Variants in CDC42BPB observed in about 807,000 individuals in gnomAD.
The protein encoded by CDC42BPB is serine/threonine-protein kinase MRCK beta.
A neutral mutation model predicts 214.9 loss-of-function variants in CDC42BPB; 37 were observed. The ratio of observed to expected loss-of-function variants is 0.17; its 90% confidence interval spans 0.13 to 0.23. The LOEUF is 0.23. Among genes scored for constraint, CDC42BPB ranks in the 10% least tolerant of loss-of-function variants. The pLI is 1.00. For synonymous variants in CDC42BPB, 931 were observed against 884.0 expected, an observed-to-expected ratio of 1.05 and a Z score of -0.94; for missense variants, 1,694 against 2,227.0, an observed-to-expected ratio of 0.76 and a Z score of 4.82.
At chr14:102,979,268 C>T (rs1161636717) in intron 8 of CDC42BPB, among the ~76,000 whole-genome samples, 1 of 151,092 alleles carries the variant, frequency 6.6e-6, no homozygotes, top group Non-Finnish European at 1.5e-5. Flanking sequence ...GGCCGGAGTG[C>T]AGTGGCGTAT....
At chr14:103,010,855 C>A (rs1170567878) in intron 2 of CDC42BPB, among the ~76,000 whole-genome samples, 2 of 152,194 alleles carry the variant, frequency 1.3e-5, no homozygotes, top group African/African-American at 2.4e-5. Context: ...CACGGTGAAA[C>A]CCCATCTCTA....
intron 30 of CDC42BPB, among the ~76,000 whole-genome samples, chr14:102,940,926 G>A (rs1405870255): frequency 6.6e-6 from 1 of 152,256 alleles, no homozygotes; most frequent in Admixed American, 6.5e-5. Context: ...CCTGCAGGGA[G>A]CTCTGGGGTC....
At chr14:102,949,992 C>T in intron 25 of CDC42BPB, 88 bp from the exon 26 acceptor site, 2 of 1,569,602 alleles carry the variant, frequency 1.3e-6, no homozygotes, top group East Asian at 2.3e-5. Flanking sequence ...CTCCTTCCAG[C>T]TGCCAGGCTG....
At chr14:102,972,485 G>A (rs1040626540) in intron 12 of CDC42BPB, among the ~76,000 whole-genome samples, 9 of 151,944 alleles carry the variant, frequency 5.9e-5, no homozygotes, top group Non-Finnish European at 1.3e-4. Context: ...TCAGGAGATC[G>A]AGACCATCCT....
chr14:102,970,050 C>T (rs925607965), intron 14 of CDC42BPB, 101 bp downstream of exon 14: 13 of 927,674 alleles, frequency 1.4e-5, no homozygotes, highest in African/African-American at 3.3e-5. Context: ...GGGTGACACT[C>T]GGCCCGGACC....
intron 5 of CDC42BPB, among the ~76,000 whole-genome samples, chr14:102,998,513 G>A (rs1011700420): frequency 1.3e-5 from 2 of 152,118 alleles, no homozygotes; most frequent in African/African-American, 4.8e-5. Context: ...TAAAAACAAC[G>A]AAAACCAAAA....
In CDC42BPB at chr14:102,939,839, T is replaced by A; in HGVS notation, c.4700A>T (p.Gln1567Leu). 1 of 1,614,078 alleles carries A rather than the reference T, an allele frequency of 6.2e-7. No homozygotes were observed. Residue 1567 changes from glutamine (Q) to leucine (L), a missense_variant, in exon 33 of 37, where the codon CAG becomes CTG. Physicochemically the swap from Gln to Leu is moderately radical, Grantham distance 113 (BLOSUM62 -2). Around this residue, in one of 7 missense-constraint regions of CDC42BPB, gnomAD observed 567 missense variants for 790.3 expected, o/e 0.72. Transcript: ENST00000361246. The part of the protein sequence containing the change: ...VFKVPEEERL[Q>L]QRREMLRDPE... The stretch of plus-strand genomic sequence containing the variant: ...GAGGCCCCGCTCCTACCGCCTCTGC[T>A]GCAGTCTCTCTTCCTCTGGGACCTT...
chr14:102,954,632 C>G lies in CDC42BPB; in HGVS notation c.2958G>C (p.Ser986=). ...TQAPKPEASP[S]MSVAASEQQE... is the part of the protein sequence containing the mutation. ...GCTGCTCTGATGCAGCCACAGACATCGACGGGGACGCTTCTGGCTTCGGAG... is the reference window on the plus strand; with the variant it reads ...GCTGCTCTGATGCAGCCACAGACATGGACGGGGACGCTTCTGGCTTCGGAG... The change falls in exon 22 of 37, where the codon TCG becomes TCC. Residue 986 remains serine (S), a synonymous_variant. Transcript: ENST00000361246. The G allele has an allele frequency of 6.2e-7, 1 of 1,613,906 alleles. No individual in the cohort carries two copies. The highest frequency in any genetic ancestry group is 8.5e-7 in the Non-Finnish European group (1 of 1,179,926).
At chr14:102,997,650 A>G (rs760425917) in intron 5 of CDC42BPB, among the ~76,000 whole-genome samples, 6 of 152,224 alleles carry the variant, frequency 3.9e-5, no homozygotes, top group Non-Finnish European at 5.9e-5. Context: ...CGTGGCCACA[A>G]TATCTGGGGA....
chr14:102,998,310 T>C (rs1415872889), intron 5 of CDC42BPB, among the ~76,000 whole-genome samples: 1 of 152,204 alleles, frequency 6.6e-6, no homozygotes, highest in Non-Finnish European at 1.5e-5. Context: ...AATATAAACC[T>C]GTGACTTAAG....
At chr14:103,037,823 G>T (rs905701562) in intron 1 of CDC42BPB, among the ~76,000 whole-genome samples, 1 of 152,092 alleles carries the variant, frequency 6.6e-6, no homozygotes, top group African/African-American at 2.4e-5. Flanking sequence ...AAGGTCAGGA[G>T]ATCGAGACCA....
At chr14:102,942,778 C>G (rs533648648) in intron 30 of CDC42BPB, among the ~76,000 whole-genome samples, 1 of 151,860 alleles carries the variant, frequency 6.6e-6, no homozygotes, top group African/African-American at 2.4e-5. Flanking sequence ...GATCTTGGAT[C>G]ACTACAACCT....
chr14:103,037,628 G>A (rs562048015), intron 1 of CDC42BPB, among the ~76,000 whole-genome samples: 3 of 152,280 alleles, frequency 2.0e-5, no homozygotes, highest in South Asian at 2.1e-4. Flanking sequence ...ACAGAAAACC[G>A]CAGCTCAGCT....
chr14:103,057,512 A>G lies in CDC42BPB; in HGVS notation c.-339T>C, dbSNP rs1005109116. The G allele has an allele frequency of 6.1e-6, 1 of 163,840 alleles. No homozygotes were observed. The highest frequency in any genetic ancestry group is 2.5e-5 in the African/African-American group (1 of 40,580). 10.1% of individuals were successfully genotyped at this position (163,840 alleles called of 1,614,324 possible). On this transcript the variant is annotated 5_prime_UTR_variant, in exon 1 of 37. Transcript: ENST00000361246. ...CCGCCGCAGACTAGGAGCGGCGAGG[A>G]GCCTAGCGCTGCGCAAGCCCGGCCG...
chr14:102,998,437 G>C (rs1309185137), intron 5 of CDC42BPB, among the ~76,000 whole-genome samples: 1 of 152,224 alleles, frequency 6.6e-6, no homozygotes, highest in African/African-American at 2.4e-5. Flanking sequence ...CTATAGAACT[G>C]TTTGACTTTT....
At chr14:103,047,302 A>G (rs1416465238) in intron 1 of CDC42BPB, among the ~76,000 whole-genome samples, 1 of 150,184 alleles carries the variant, frequency 6.7e-6, no homozygotes, top group Non-Finnish European at 1.5e-5. Flanking sequence ...AAAAAAAATT[A>G]GAACAAACAT....
chr14:102,982,141 A>G (rs376523288), intron 7 of CDC42BPB, among the ~76,000 whole-genome samples: 1 of 152,262 alleles, frequency 6.6e-6, no homozygotes, highest in Non-Finnish European at 1.5e-5. Context: ...TAAGAAGTGG[A>G]TGAGACAATT....
At chr14:102,989,919 C>T in intron 5 of CDC42BPB, among the ~76,000 whole-genome samples, 1 of 151,158 alleles carries the variant, frequency 6.6e-6, no homozygotes, top group South Asian at 2.1e-4. Flanking sequence ...GAATGATTTA[C>T]AGGATACATC....
At chr14:103,020,015 G>A (rs1886680220) in intron 1 of CDC42BPB, among the ~76,000 whole-genome samples, 1 of 152,226 alleles carries the variant, frequency 6.6e-6, no homozygotes, top group Admixed American at 6.5e-5. Flanking sequence ...TGCCCAGGGT[G>A]GGAGGGTCTG....
Sources: gnomAD v4.1 joint callset for allele counts (sites outside exome capture counted in the v4.1 genomes callset) on GRCh38, gnomAD v4.1.1 for gene constraint, gnomAD v4.1.1 regional missense constraint, MANE v1.5 for transcripts, NCBI Gene and HGNC (gene_info 2026-07-23, HGNC 2026-07-21) for gene names.